NEB: variants seen among roughly 807,000 people sequenced by gnomAD.
The protein encoded by NEB is nebulin, also known as nemaline myopathy type 2.
In NEB, 512 loss-of-function variants were observed where a neutral mutation model predicts 952.2. That is an observed-to-expected ratio of 0.54 (90% CI 0.50 to 0.58). The LOEUF (loss-of-function observed/expected upper bound fraction) is 0.58. Ranked by LOEUF, NEB falls within the 20% of genes least tolerant of loss-of-function variation. The probability of loss-of-function intolerance (pLI) is 0.00; values close to 1 mark genes in which losing one functional copy is unlikely to be tolerated. For synonymous variants in NEB, 2,900 were observed against 3,149.8 expected, an observed-to-expected ratio of 0.92 and a Z score of 2.66; for missense variants, 8,428 against 9,231.1, an observed-to-expected ratio of 0.91 and a Z score of 3.56.
At chr2:151,708,371 A>T (rs1483487474) in intron 12 of NEB, among the ~76,000 whole-genome samples, 1 of 152,058 alleles carries the variant, frequency 6.6e-6, no homozygotes, top group Non-Finnish European at 1.5e-5. Flanking sequence ...ACTCCACCAA[A>T]TTGCTCTTGT....
intron 9 of NEB, among the ~76,000 whole-genome samples, chr2:151,721,209 A>G (rs916099216): frequency 1.3e-5 from 2 of 152,052 alleles, no homozygotes; most frequent in African/African-American, 4.8e-5. Flanking sequence ...GTATTTCCTA[A>G]TCTCAATCTA....
rs761951759 is a variant in NEB at position 151,679,906 on chromosome 2, C to T, written c.3147+12G>A. 21 of 1,608,426 alleles carry T rather than the reference C, an allele frequency of 1.3e-5. No individual in the cohort carries two copies. In the East Asian group the frequency reaches 4.7e-4, roughly 36 times the overall value. On this transcript the variant is annotated intron_variant, in intron 31 of 181. Coordinates refer to ENST00000397345, the MANE Select transcript of NEB (RefSeq NM_001164508.2). ...TGGACATACGCATCAGCCCGTGAGT[C>T]CACCCACGCACCTCACTGATATTGT...
intron 3 of NEB, among the ~76,000 whole-genome samples, chr2:151,730,859 C>A (rs2099806183): frequency 6.6e-6 from 1 of 152,100 alleles, no homozygotes. Flanking sequence ...CATTCTTGTG[C>A]TTTCTTTACT....
chr2:151,534,344 T>A (rs772138136), intron 142 of NEB: 1 of 1,585,842 alleles, frequency 6.3e-7, no homozygotes, highest in Non-Finnish European at 8.6e-7. Flanking sequence ...TAGCATATTA[T>A]AGCAAGAGTA....
chr2:151,696,855 T>C (rs2099600316), intron 16 of NEB, 120 bp from the exon 17 acceptor site: 1 of 724,108 alleles, frequency 1.4e-6, no homozygotes, highest in South Asian at 2.0e-5. Flanking sequence ...GTTAATAAAA[T>C]ATATTTTTTT....
At position 151,519,747 on chromosome 2, in the gene NEB, C is replaced by G; in HGVS notation, c.22501G>C (p.Asp7501His). 1 of 1,611,474 alleles carries G rather than the reference C, an allele frequency of 6.2e-7. No homozygotes were observed. The highest frequency in any genetic ancestry group is 1.1e-5 in the South Asian group (1 of 91,020). The change falls in exon 154 of 182, where the codon GAT becomes CAT. Residue 7501 changes from aspartate to histidine, a missense_variant. Physicochemically the swap from Asp to His is moderately conservative, Grantham distance 81. Around this residue, in one of 11 missense-constraint regions of NEB, gnomAD observed 3,374 missense variants for 3,651.5 expected, o/e 0.92. Coordinates refer to ENST00000397345, the MANE Select transcript of NEB (RefSeq NM_001164508.2). ...TTTGGTGTCTTGCCCTTTTCTTTAT[C>G]GAAATTTTCTCGGTATTTAACCTAA... ...SSQVKYRENF[D>H]KEKGKTPKYN...
At chr2:151,501,333 C>T (rs914481670) in intron 168 of NEB, 58 bp downstream of exon 168, 5 of 1,159,922 alleles carry the variant, frequency 4.3e-6, no homozygotes, top group East Asian at 5.1e-5. Context: ...GTGAGATGTT[C>T]TGTTTTGTAG....
At position 151,684,834 on chromosome 2, in the gene NEB, G is replaced by A. The variant is rs760246704; in HGVS notation, c.2779C>T (p.Pro927Ser). The part of the protein sequence containing the change: ...YKHILHSYSY[P>S]PDSINVDLAK... ...AGGTCCACATTGATGCTATCAGGGG[G>A]GTAGCTGTAACTGTGTAAGATGTGC... The change falls in exon 28 of 182, where the codon CCC becomes TCC. Residue 927 changes from proline (P) to serine (S), a missense_variant. Transcript: ENST00000397345. 6.2e-7 allele frequency: 1 copy of A among 1,613,214 alleles called. No individual in the cohort carries two copies. Among genetic ancestry groups the A allele is most frequent in the African/African-American group, 1.3e-5 (1 of 74,906 alleles).
At chr2:151,490,895 TAG>T in intron 179 of NEB, among the ~76,000 whole-genome samples, 2 of 152,358 alleles carry the variant, frequency 1.3e-5, no homozygotes, top group South Asian at 4.1e-4. Context: ...CAAATCAATT[TAG>T]AGTCTTTCTC....
chr2:151,529,306 GT>G lies in NEB; in HGVS notation c.21638del (p.Tyr7213SerfsTer99). On this transcript the variant is annotated frameshift_variant, in exon 146 of 182. Transcript: ENST00000397345. LOFTEE classifies it high-confidence loss of function. ...KVKDEVSDLK[Y>X]KEVYQRNKSN... ...ATTTATTTCTTTGGTATACTTCTTT[GT>G]ATTTCAGCTGTGGGAGGAAACACAG... 6.2e-7 allele frequency: 1 copy of G among 1,605,680 alleles called. No individual in the cohort carries two copies. Among genetic ancestry groups the G allele is most frequent in the Non-Finnish European group, 8.5e-7 (1 of 1,172,424 alleles).
chr2:151,732,272 G>C (rs1439387895), intron 3 of NEB, among the ~76,000 whole-genome samples: 1 of 152,094 alleles, frequency 6.6e-6, no homozygotes, highest in Non-Finnish European at 1.5e-5. Flanking sequence ...GTGCATTATA[G>C]TTCCAAGCCT....
chr2:151,493,366 T>C lies in NEB; in HGVS notation c.24752A>G (p.Glu8251Gly), dbSNP rs2058034668. 17 of 1,611,752 alleles carry C rather than the reference T, an allele frequency of 1.1e-5. No homozygotes were observed. The highest frequency in any genetic ancestry group is 1.4e-5 in the Non-Finnish European group (17 of 1,178,234). The part of the protein sequence containing the change: ...PEMERAKRNQ[E>G]NISSVLYSDS... ...CCTAGAAAATACCGAGCTAATGTTT[T>C]CTTGGTTGCGCTTAGCTCTCTCCAT... Residue 8251 changes from glutamate to glycine, a missense_variant, in exon 176 of 182, where the codon GAA (glutamate) becomes GGA (glycine). Transcript: ENST00000397345.
intron 75 of NEB, 92 bp from the exon 76 acceptor site, chr2:151,616,201 G>T: frequency 1.1e-6 from 1 of 896,386 alleles, no homozygotes; most frequent in South Asian, 1.6e-5. Context: ...TTAAACTTCA[G>T]AAATAATTCA....
In NEB at chr2:151,677,756, C is replaced by T; in HGVS notation, c.3583G>A (p.Asp1195Asn). The change falls in exon 34 of 182, where the codon GAC becomes AAC. Residue 1195 changes from aspartate to asparagine, a missense_variant. Physicochemically the swap from Asp to Asn is conservative, Grantham distance 23 (BLOSUM62 1). This residue lies in a region of NEB where 2,851 missense variants were observed against 2,791.5 expected (regional missense o/e 1.02). Transcript: ENST00000397345. Reference sequence around the variant, plus strand: ...ATGCCTTTCATCCAGTTGTTGTAGTCTTCCTTGTAGACGTTCTACAGCAAT... The same window carrying T: ...ATGCCTTTCATCCAGTTGTTGTAGTTTTCCTTGTAGACGTTCTACAGCAAT... Reference protein sequence around the residue: ...QIQSDNVYKEDYNNWMKGIGW... With the variant: ...QIQSDNVYKENYNNWMKGIGW... The T allele has an allele frequency of 6.2e-7, 1 of 1,613,982 alleles. No individual in the cohort carries two copies. The highest frequency in any genetic ancestry group is 8.5e-7 in the Non-Finnish European group (1 of 1,179,890).
At position 151,674,476 on chromosome 2, in the gene NEB, C is replaced by A. The variant is rs780022652; in HGVS notation, c.3987+1G>T. Reference sequence around the variant, plus strand: ...AAACTTCACCTAAAATTTGTACTCACATCACTGGCAATGTTTCTCGATGCC... The same window carrying A: ...AAACTTCACCTAAAATTTGTACTCAAATCACTGGCAATGTTTCTCGATGCC... On this transcript the variant is annotated splice_donor_variant, in intron 36 of 181. Coordinates refer to ENST00000397345, the MANE Select transcript of NEB (RefSeq NM_001164508.2). LOFTEE classifies it high-confidence loss of function. 58 of 1,612,620 alleles carry A rather than the reference C, an allele frequency of 3.6e-5. No homozygotes were observed. Among genetic ancestry groups the A allele is most frequent in the Non-Finnish European group, 4.4e-5 (52 of 1,178,690 alleles).
intron 124 of NEB, among the ~76,000 whole-genome samples, chr2:151,558,280 A>G (rs1383386382): frequency 1.3e-5 from 2 of 152,216 alleles, no homozygotes; most frequent in African/African-American, 4.8e-5. Context: ...TACAAAGATA[A>G]TAAAATACCT....
In NEB at chr2:151,526,119, C is replaced by T. The variant is rs767637366; in HGVS notation, c.22050+39G>A. 19 of 1,612,276 alleles carry T rather than the reference C, an allele frequency of 1.2e-5. No individual in the cohort carries two copies. In the Admixed American group the frequency reaches 3.2e-4, roughly 27 times the overall value. On this transcript the variant is annotated intron_variant, in intron 149 of 181. Coordinates refer to ENST00000397345, the MANE Select transcript of NEB (RefSeq NM_001164508.2). Reference sequence around the variant, plus strand: ...TAAGGCATCTGCCTGGGGCGTTCTCCCAAGAGGGAAGCAGAACTCATGGGC... The same window carrying T: ...TAAGGCATCTGCCTGGGGCGTTCTCTCAAGAGGGAAGCAGAACTCATGGGC...
chr2:151,619,800 A>C (rs1351192789), intron 72 of NEB, 38 bp from the exon 73 acceptor site: 6 of 1,569,746 alleles, frequency 3.8e-6, no homozygotes, highest in Non-Finnish European at 5.2e-6. Context: ...AGGAAGCACA[A>C]AGGGCTATTC....
Position 151,545,964 on chromosome 2 carries a change from A to G in NEB, c.20501T>C (p.Met6834Thr). 6.2e-7 allele frequency: 1 copy of G among 1,600,434 alleles called. No homozygotes were observed. Residue 6834 changes from methionine (M) to threonine (T), a missense_variant, in exon 135 of 182, where the codon ATG becomes ACG. Physicochemically the swap from Met to Thr is moderately conservative, Grantham distance 81 (BLOSUM62 -1). Coordinates refer to ENST00000397345, the MANE Select transcript of NEB (RefSeq NM_001164508.2). The part of the protein sequence containing the change: ...NYLYTDKARK[M>T]RDKYKVVLDT... ...AAGCACCACTTTGTATTTGTCTCGC[A>G]TCTTCCTTGCCTTATCAGTGTATAG...
Sources: gnomAD v4.1 joint callset for allele counts (sites outside exome capture counted in the v4.1 genomes callset) on GRCh38, gnomAD v4.1.1 for gene constraint, gnomAD v4.1.1 regional missense constraint, MANE v1.5 for transcripts, NCBI Gene and HGNC (gene_info 2026-07-23, HGNC 2026-07-21) for gene names.